The following ADGRL4 variants were observed in gnomAD, a reference collection of about 807,000 sequenced individuals.
ADGRL4 encodes adhesion G protein-coupled receptor L4.
A neutral mutation model predicts 74.8 loss-of-function variants in ADGRL4; 90 were observed. The ratio of observed to expected loss-of-function variants is 1.20; its 90% CI spans 1.02 to 1.43. The LOEUF (loss-of-function observed/expected upper bound fraction) is 1.43, where lower values mean the gene tolerates loss of function less well. Among genes scored for constraint, ADGRL4 ranks in the 40% most tolerant of loss-of-function variants. The pLI is 0.00. For synonymous variants in ADGRL4, 311 were observed against 279.2 expected (o/e 1.11, Z -1.14); for missense variants, 881 against 814.3 (o/e 1.08, Z -1.00).
At chr1:79,006,136 A>G (rs537795172) in intron 1 of ADGRL4, among the ~76,000 whole-genome samples, 1 of 152,374 alleles carries the variant, frequency 6.6e-6, no homozygotes, top group South Asian at 2.1e-4. Flanking sequence ...GTCATCTAAC[A>G]TTAGTTGTCC....
intron 12 of ADGRL4, among the ~76,000 whole-genome samples, chr1:78,914,560 T>C (rs1648830418): frequency 6.6e-6 from 1 of 151,838 alleles, no homozygotes; most frequent in Admixed American, 6.6e-5. Context: ...CATCTGATCA[T>C]TTGAACATTT....
At position 78,889,800 on chromosome 1, in the gene ADGRL4, T is replaced by A. The variant is rs1346194636; in HGVS notation, c.*1354A>T. 4.4e-6 allele frequency: 2 copies of A among 459,058 alleles called. No homozygotes were observed. The highest frequency in any genetic ancestry group is 1.5e-4 in the East Asian group (2 of 13,738). The allele number at this position is 459,058 out of a possible 1,614,324, so 28.4% of individuals were successfully genotyped here. Reference sequence around the variant, plus strand: ...AACATTTTATTTGTTAGAGCAAGATTTGGCAGACTTCATTTCAACAGCTGG... The same window carrying A: ...AACATTTTATTTGTTAGAGCAAGATATGGCAGACTTCATTTCAACAGCTGG... On this transcript the variant is annotated 3_prime_UTR_variant, in exon 15 of 15. Coordinates refer to ENST00000370742, the MANE Select transcript of ADGRL4 (RefSeq NM_022159.4).
At chr1:78,916,356 A>G (rs967844285) in intron 12 of ADGRL4, among the ~76,000 whole-genome samples, 36 of 151,898 alleles carry the variant, frequency 2.4e-4, no homozygotes, top group African/African-American at 8.0e-4. Context: ...CTATGGTGAG[A>G]AAATCAGTAA....
rs183648199 is a variant in ADGRL4 at position 78,961,829 on chromosome 1, A to G, written c.173-15403T>C. On this transcript the variant is annotated intron_variant, in intron 2 of 14. Transcript: ENST00000370742. Reference sequence around the variant, plus strand: ...CTTCTCTGTTAAAGAGCAGTCCTGCATCATGGTACATGGCTTGAGAATCAT... The same window carrying G: ...CTTCTCTGTTAAAGAGCAGTCCTGCGTCATGGTACATGGCTTGAGAATCAT... Among the ~76,000 whole-genome samples the G allele has an allele frequency of 1.3e-3, 195 of 151,938 alleles. 1 individual carries two copies. The highest frequency in any genetic ancestry group is 4.3e-3 in the African/African-American group (178 of 41,440).
intron 6 of ADGRL4, among the ~76,000 whole-genome samples, chr1:78,937,058 T>C (rs1649369120): frequency 6.6e-6 from 1 of 152,212 alleles, no homozygotes; most frequent in African/African-American, 2.4e-5. Context: ...ATATTTTAAG[T>C]ATGAATTTGC....
rs557743007 is a variant in ADGRL4, at chr1:78,958,538, C to A, written c.173-12112G>T. ...GTAACTGCGGACGTGGTGGAAATAT[C>A]AAGAGAACTAGAAATGCAGCCTGAG... On this transcript the variant is annotated intron_variant, in intron 2 of 14. Transcript: ENST00000370742. 1.1e-4 allele frequency among the ~76,000 whole-genome samples: 16 copies of A among 152,200 alleles called. No homozygotes were observed. The East Asian group carries it at 2.9e-3, about 28-fold the overall frequency.
intron 7 of ADGRL4, among the ~76,000 whole-genome samples, chr1:78,934,341 G>T (rs1460916931): frequency 1.3e-4 from 20 of 152,120 alleles, no homozygotes; most frequent in Non-Finnish European, 7.4e-5. Flanking sequence ...GGTAAAACTG[G>T]CTAGCCATAT....
chr1:78,912,587 C>T (rs1648784498), intron 12 of ADGRL4, among the ~76,000 whole-genome samples: 2 of 151,792 alleles, frequency 1.3e-5, no homozygotes, highest in South Asian at 4.1e-4. Flanking sequence ...TCGTCTTCCA[C>T]AAAACTGGTC....
intron 2 of ADGRL4, among the ~76,000 whole-genome samples, chr1:78,995,404 CAGA>C (rs1202755895): frequency 6.6e-6 from 1 of 152,120 alleles, no homozygotes; most frequent in African/African-American, 2.4e-5. Flanking sequence ...GTAATATTGG[CAGA>C]AGAACTTTCA....
intron 2 of ADGRL4, among the ~76,000 whole-genome samples, chr1:78,949,296 G>T (rs1649675645): frequency 6.6e-6 from 1 of 151,986 alleles, no homozygotes; most frequent in African/African-American, 2.4e-5. Context: ...CTAGTCTTGG[G>T]TAATACATTA....
chr1:78,974,374 T>A (rs1399502243), intron 2 of ADGRL4, among the ~76,000 whole-genome samples: 6 of 152,186 alleles, frequency 3.9e-5, no homozygotes, highest in Non-Finnish European at 8.8e-5. Flanking sequence ...GATTTAAGCA[T>A]GATTTTATAA....
rs547683219 is a variant in ADGRL4, at chr1:78,907,866, G to A, written c.1749+9768C>T. ...TCTAGAACATGCACTTCTAGGTAAA[G>A]TATCCACACGTCCCCGTTTGCCTGG... On this transcript the variant is annotated intron_variant, in intron 12 of 14. Coordinates refer to ENST00000370742, the MANE Select transcript of ADGRL4 (RefSeq NM_022159.4). Among the ~76,000 whole-genome samples the A allele has an allele frequency of 4.6e-5, 7 of 151,996 alleles. No individual in the cohort carries two copies. The South Asian group carries it at 1.5e-3, about 32-fold the overall frequency.
Position 78,946,358 on chromosome 1 carries a change from T to A in ADGRL4, c.241A>T (p.Ser81Cys). Reference sequence around the variant, plus strand: ...CCAGGTACACACATACAATAATAACTTCCTTCTGTGTTAGTGCAATTAGCA... The same window carrying A: ...CCAGGTACACACATACAATAATAACATCCTTCTGTGTTAGTGCAATTAGCA... ...ENANCTNTEG[S>C]YYCMCVPGFR... The change falls in exon 3 of 15, where the codon AGT (serine) becomes TGT (cysteine). Residue 81 changes from serine (S) to cysteine (C), a missense_variant. Ser to Cys is a moderately radical substitution (Grantham distance 112). Transcript: ENST00000370742. The A allele has an allele frequency of 6.2e-7, 1 of 1,613,362 alleles. No individual in the cohort carries two copies. Among genetic ancestry groups the A allele is most frequent in the Non-Finnish European group, 8.5e-7 (1 of 1,179,590 alleles).
intron 12 of ADGRL4, among the ~76,000 whole-genome samples, chr1:78,914,863 T>C (rs762278707): frequency 3.9e-4 from 59 of 151,804 alleles, no homozygotes; most frequent in East Asian, 1.9e-4. Flanking sequence ...CCAGTTGTTA[T>C]GGGGGAGCTG....
chr1:79,003,106 A>G (rs181669521), intron 2 of ADGRL4, among the ~76,000 whole-genome samples: 1 of 152,190 alleles, frequency 6.6e-6, no homozygotes, highest in Admixed American at 6.5e-5. Flanking sequence ...TCATCTTGAC[A>G]TAATACCAAT....
At chr1:78,930,922 T>G (rs1339983406) in intron 7 of ADGRL4, among the ~76,000 whole-genome samples, 2 of 151,356 alleles carry the variant, frequency 1.3e-5, no homozygotes, top group Non-Finnish European at 2.9e-5. Flanking sequence ...GAATCAACAT[T>G]GAATTTTGAT....
At chr1:78,969,885 G>C (rs181733920) in intron 2 of ADGRL4, among the ~76,000 whole-genome samples, 58 of 152,262 alleles carry the variant, frequency 3.8e-4, no homozygotes, top group African/African-American at 1.3e-3. Context: ...CAAGAGGGAT[G>C]GGCAATGTAA....
At chr1:78,913,191 A>C (rs1648798954) in intron 12 of ADGRL4, among the ~76,000 whole-genome samples, 1 of 152,004 alleles carries the variant, frequency 6.6e-6, no homozygotes, top group Admixed American at 6.6e-5. Context: ...TGTTGGTGGG[A>C]GTATAAATTA....
chr1:78,981,235 A>G (rs1193942513), intron 2 of ADGRL4, among the ~76,000 whole-genome samples: 1 of 151,930 alleles, frequency 6.6e-6, no homozygotes, highest in Non-Finnish European at 1.5e-5. Flanking sequence ...TAATGAAATG[A>G]AATCAATAGA....
Sources: allele counts gnomAD v4.1 joint callset (sites outside exome capture counted in the v4.1 genomes callset), GRCh38; gene constraint gnomAD v4.1.1; transcripts MANE v1.5; gene names NCBI Gene and HGNC (gene_info 2026-07-23, HGNC 2026-07-21).